Variants in PDHX observed in about 807,000 individuals in gnomAD.
PDHX encodes pyruvate dehydrogenase complex component X, also known as pyruvate dehydrogenase protein X component, mitochondrial.
PDHX carries 33 observed loss-of-function variants against 55.3 expected under a neutral mutation model. The ratio of observed to expected loss-of-function variants is 0.60; its 90% CI spans 0.45 to 0.80. The LOEUF (loss-of-function observed/expected upper bound fraction) is 0.80. Among genes scored for constraint, PDHX ranks in the 30% least tolerant of loss-of-function variants. The pLI is 0.00. For missense variants in PDHX, 622 were observed against 619.9 expected, an observed-to-expected ratio of 1.00 and a Z score of -0.04; for synonymous variants, 226 against 219.4, an observed-to-expected ratio of 1.03 and a Z score of -0.27.
At chr11:34,982,382 A>G (rs956161332) in intron 8 of PDHX, among the ~76,000 whole-genome samples, 10 of 152,204 alleles carry the variant, frequency 6.6e-5, no homozygotes, top group Non-Finnish European at 1.5e-4. Context: ...AAGAGCAAAC[A>G]AATTCAAAAG....
At position 34,947,611 on chromosome 11, in the gene PDHX, GT is replaced by G; in HGVS notation, c.342+10del. 1 of 1,575,912 alleles carries G rather than the reference GT, an allele frequency of 6.3e-7. No homozygotes were observed. Among genetic ancestry groups the G allele is most frequent in the Non-Finnish European group, 8.7e-7 (1 of 1,144,922 alleles). On this transcript the variant is annotated splice_donor_region_variant and intron_variant, in intron 3 of 10. Transcript: ENST00000227868. ...GGAATCTTGGCCAAAATCGTGGTAA[GT>G]TTTTATTTTAATTTTCTTCAACAGG...
Position 34,942,509 on chromosome 11 carries a change from A to C in PDHX, c.242-4997A>C, listed in dbSNP as rs759736805. On this transcript the variant is annotated intron_variant, in intron 2 of 10. Transcript: ENST00000227868. ...TAGTAACTGTCAGAGCTTGGAATCA[A>C]ACTCATATTTGAATTAGGAGAGGTT... Among the ~76,000 whole-genome samples the C allele has an allele frequency of 3.3e-5, 5 of 152,302 alleles. No homozygotes were observed. In the East Asian group the frequency reaches 9.6e-4, roughly 29 times the overall value.
chr11:34,965,924 T>C (rs1002646315), intron 5 of PDHX, among the ~76,000 whole-genome samples: 1 of 152,220 alleles, frequency 6.6e-6, no homozygotes, highest in African/African-American at 2.4e-5. Flanking sequence ...TAAGAAAATA[T>C]ATTGCCTAAT....
At chr11:34,941,204 T>G (rs1854468636) in intron 2 of PDHX, among the ~76,000 whole-genome samples, 1 of 152,174 alleles carries the variant, frequency 6.6e-6, no homozygotes, top group South Asian at 2.1e-4. Context: ...GCCTCAGGTC[T>G]TTGGCCATGC....
intron 1 of PDHX, among the ~76,000 whole-genome samples, chr11:34,925,879 A>G (rs1210673957): frequency 6.6e-6 from 1 of 152,238 alleles, no homozygotes; most frequent in African/African-American, 2.4e-5. Flanking sequence ...ATGCTCAACC[A>G]GTAAGAATAA....
chr11:34,937,978 T>C (rs1025369661), intron 2 of PDHX, among the ~76,000 whole-genome samples: 5 of 152,218 alleles, frequency 3.3e-5, no homozygotes, highest in African/African-American at 1.2e-4. Flanking sequence ...GCAGCAGGAC[T>C]GGATCCCAAG....
Position 34,978,213 on chromosome 11 carries a change from T to A in PDHX, c.1023+31T>A, listed in dbSNP as rs750814248. ...TAGCAGACTTCAAATGATTTTGTCT[T>A]CTTAAGTAGTTTCATGTCGTGGAAT... On this transcript the variant is annotated intron_variant, in intron 8 of 10. Transcript: ENST00000227868. 7.7e-5 allele frequency: 99 copies of A among 1,279,122 alleles called. No individual in the cohort carries two copies. In the South Asian group the frequency reaches 1.1e-3, roughly 15 times the overall value. The allele number at this position is 1,279,122 out of a possible 1,614,324, so 79.2% of individuals were successfully genotyped here. A position where few individuals can be genotyped will look rare whatever the true frequency, so the allele number is the denominator to read the frequency against.
At chr11:34,964,883 C>T (rs571322942) in intron 5 of PDHX, among the ~76,000 whole-genome samples, 6 of 151,986 alleles carry the variant, frequency 3.9e-5, no homozygotes, top group African/African-American at 1.5e-4. Context: ...TTACATATTA[C>T]TAAATATGCT....
chr11:34,932,149 T>A (rs1019482856), intron 2 of PDHX, among the ~76,000 whole-genome samples: 7 of 152,140 alleles, frequency 4.6e-5, no homozygotes, highest in Admixed American at 1.3e-4. Flanking sequence ...ACAAATGAAT[T>A]ATACACTTAA....
intron 6 of PDHX, 43 bp downstream of exon 6, chr11:34,966,857 T>C (rs1855146606): frequency 6.4e-7 from 1 of 1,567,126 alleles, no homozygotes. Flanking sequence ...TTCTTGTTTT[T>C]CTTTTTTTTT....
rs10488806 is a variant in PDHX, at chr11:34,984,355, A to T, written c.1024-215A>T. The stretch of plus-strand genomic sequence containing the variant: ...CATGTACCTCATCAGAATTTCTTCA[A>T]ACTTGCTTCAAAAAGGTGGTATGTT... On this transcript the variant is annotated intron_variant, in intron 8 of 10. Transcript: ENST00000227868. 0.075 allele frequency among the ~76,000 whole-genome samples: 11,414 copies of T among 152,270 alleles called. 439 individuals are homozygous for T. The highest frequency in any genetic ancestry group is 0.091 in the African/African-American group (3,786 of 41,536).
intron 7 of PDHX, among the ~76,000 whole-genome samples, chr11:34,976,030 AC>A (rs2133989170): frequency 6.6e-6 from 1 of 152,310 alleles, no homozygotes; most frequent in African/African-American, 2.4e-5. Context: ...CTCAGATCAT[AC>A]TTGCTTAGTC....
chr11:34,966,764 C>T lies in PDHX; in HGVS notation c.766C>T (p.Pro256Ser), dbSNP rs147958676. 128 of 1,614,128 alleles carry T rather than the reference C, an allele frequency of 7.9e-5. No individual in the cohort carries two copies. The Middle Eastern group carries it at 1.2e-3, about 15-fold the overall frequency. ...PLQATAGPSY[P>S]RPVIPPVSTP... ...ACAGGCCACAGCTGGACCATCTTAT[C>T]CCCGGCCTGTGATCCCACCAGTATC... is the stretch of plus-strand genomic sequence containing the variant. Residue 256 changes from proline (P) to serine (S), a missense_variant, in exon 6 of 11, where the codon CCC (proline) becomes TCC (serine). By Grantham distance (74) the Pro-to-Ser change is moderately conservative (BLOSUM62 -1). Coordinates refer to ENST00000227868, the MANE Select transcript of PDHX (RefSeq NM_003477.3).
In PDHX at chr11:34,980,352, CTT is replaced by C. The variant is rs57927359; in HGVS notation, c.1023+2183_1023+2184del. 1.3e-4 allele frequency among the ~76,000 whole-genome samples: 10 copies of C among 74,852 alleles called. 1 individual carries two copies. Among genetic ancestry groups the C allele is most frequent in the African/African-American group, 5.0e-4 (10 of 20,002 alleles). 49.1% of individuals were successfully genotyped at this position (74,852 alleles called of 152,430 possible). On this transcript the variant is annotated intron_variant, in intron 8 of 10. Coordinates refer to ENST00000227868, the MANE Select transcript of PDHX (RefSeq NM_003477.3). ...TTTTTAATAAGGTTTAAGATAGTTT[CTT>C]TTTTTTTTTTTTGAGCAGCAGCAAG...
Position 34,957,546 on chromosome 11 carries a change from A to G in PDHX, c.505A>G (p.Ile169Val). The change falls in exon 4 of 11, where the codon ATC becomes GTC. Residue 169 changes from isoleucine (I) to valine (V), a missense_variant. Coordinates refer to ENST00000227868, the MANE Select transcript of PDHX (RefSeq NM_003477.3). ...PRPSPEPQIS[I>V]PVKKEHIPGT... is the part of the protein sequence containing the mutation. Reference sequence around the variant, plus strand: ...CCCCTCACCAGAACCACAGATTTCCATCCCTGTCAAGAAGGAACACATACC... The same window carrying G: ...CCCCTCACCAGAACCACAGATTTCCGTCCCTGTCAAGAAGGAACACATACC... The G allele has an allele frequency of 6.2e-7, 1 of 1,614,048 alleles. No individual in the cohort carries two copies. The highest frequency in any genetic ancestry group is 1.7e-5 in the Admixed American group (1 of 60,010).
chr11:34,923,966 A>G (rs1243599275), intron 1 of PDHX, among the ~76,000 whole-genome samples: 2 of 152,244 alleles, frequency 1.3e-5, no homozygotes, highest in Non-Finnish European at 2.9e-5. Flanking sequence ...ACACTGCTGA[A>G]TAAGGTAAAG....
intron 2 of PDHX, 139 bp from the exon 3 acceptor site, chr11:34,947,367 T>G: frequency 1.6e-6 from 1 of 631,224 alleles, no homozygotes; most frequent in Non-Finnish European, 2.8e-6. Flanking sequence ...CCACACATAA[T>G]GAGAATTACT....
At chr11:34,941,391 T>C (rs1205726602) in intron 2 of PDHX, among the ~76,000 whole-genome samples, 1 of 152,224 alleles carries the variant, frequency 6.6e-6, no homozygotes, top group East Asian at 1.9e-4. Context: ...TTCTGTCTTA[T>C]TTTATTACTA....
chr11:34,916,540 C>T, upstream of PDHX: 1 of 1,487,344 alleles, frequency 6.7e-7, no homozygotes, highest in Non-Finnish European at 8.9e-7. Flanking sequence ...GGGTTCAAGT[C>T]TGAGAGACCT....
Sources: allele counts gnomAD v4.1 joint callset (sites outside exome capture counted in the v4.1 genomes callset), GRCh38; gene constraint gnomAD v4.1.1; transcripts MANE v1.5; gene names NCBI Gene and HGNC (gene_info 2026-07-23, HGNC 2026-07-21).